LDLRAD3: variants seen among roughly 807,000 people sequenced by gnomAD.
LDLRAD3 encodes low-density lipoprotein receptor class A domain-containing protein 3.
LDLRAD3 carries 20 observed loss-of-function variants against 29.4 expected under a neutral mutation model. The ratio of observed to expected loss-of-function variants is 0.68; its 90% confidence interval spans 0.48 to 0.99. The LOEUF (loss-of-function observed/expected upper bound fraction) is 0.99, where lower values mean the gene tolerates loss of function less well. Among genes scored for constraint, LDLRAD3 ranks in the 50% least tolerant of loss-of-function variants. The pLI is 0.00. For missense variants in LDLRAD3, 420 were observed against 454.3 expected, an observed-to-expected ratio of 0.92 and a Z score of 0.69; for synonymous variants, 157 against 192.7, an observed-to-expected ratio of 0.81 and a Z score of 1.53.
chr11:36,171,739 T>A (rs1460003756), intron 4 of LDLRAD3, among the ~76,000 whole-genome samples: 1 of 152,224 alleles, frequency 6.6e-6, no homozygotes, highest in African/African-American at 2.4e-5. Flanking sequence ...ATAGTATAAT[T>A]TGAAGTTGGA....
intron 4 of LDLRAD3, among the ~76,000 whole-genome samples, chr11:36,159,276 G>A (rs988268170): frequency 7.9e-5 from 12 of 152,114 alleles, no homozygotes; most frequent in African/African-American, 2.9e-4. Context: ...AGACCAGCCT[G>A]GGCAACATAG....
Position 36,113,273 on chromosome 11 carries a change from G to A in LDLRAD3, c.454+14812G>A, listed in dbSNP as rs1853630628. Among the ~76,000 whole-genome samples the A allele has an allele frequency of 2.6e-5, 4 of 152,130 alleles. No individual in the cohort carries two copies. In the South Asian group the frequency reaches 8.3e-4, roughly 32 times the overall value. On this transcript the variant is annotated intron_variant, in intron 4 of 5. Coordinates refer to ENST00000315571, the MANE Select transcript of LDLRAD3 (RefSeq NM_174902.4). ...TGAGATGCAGGTTATGGCTTAATAA[G>A]TGCCTTCGATGAGAAAAAGATCTCT...
At chr11:36,098,981 G>A (rs1309996800) in intron 4 of LDLRAD3, among the ~76,000 whole-genome samples, 1 of 144,692 alleles carries the variant, frequency 6.9e-6, no homozygotes, top group African/African-American at 2.5e-5. Context: ...CATCACAACT[G>A]CTGCCCTATT....
At chr11:36,183,423 C>T (rs568877178) in intron 4 of LDLRAD3, among the ~76,000 whole-genome samples, 183 of 152,274 alleles carry the variant, frequency 1.2e-3, no homozygotes, top group African/African-American at 4.1e-3. Flanking sequence ...TAAAGTAAAA[C>T]ATGTTGACCA....
At chr11:36,036,582 A>G (rs947398704) in intron 2 of LDLRAD3, among the ~76,000 whole-genome samples, 3 of 152,062 alleles carry the variant, frequency 2.0e-5, no homozygotes, top group African/African-American at 7.2e-5. Flanking sequence ...TGGCTGCAGC[A>G]TCTTAAAACC....
intron 4 of LDLRAD3, among the ~76,000 whole-genome samples, chr11:36,103,282 G>T (rs977419563): frequency 8.2e-5 from 12 of 147,212 alleles, no homozygotes; most frequent in Non-Finnish European, 1.8e-4. Context: ...TGTCACCCAG[G>T]CTGGAGTGCA....
intron 4 of LDLRAD3, among the ~76,000 whole-genome samples, chr11:36,133,379 T>G (rs77678762): frequency 4.5e-5 from 2 of 44,072 alleles, no homozygotes; most frequent in African/African-American, 1.3e-4. Flanking sequence ...TTTTCTTTTC[T>G]TTTCTTTTCT....
At chr11:36,092,161 G>A (rs1002851365) in intron 3 of LDLRAD3, among the ~76,000 whole-genome samples, 2 of 152,296 alleles carry the variant, frequency 1.3e-5, no homozygotes, top group Non-Finnish European at 2.9e-5. Context: ...TTTGGTAGTA[G>A]CACAGGGTCA....
chr11:36,124,068 G>A (rs1853800425), intron 4 of LDLRAD3, among the ~76,000 whole-genome samples: 1 of 152,364 alleles, frequency 6.6e-6, no homozygotes, highest in East Asian at 1.9e-4. Context: ...TAAAGGTTAT[G>A]CATTTGCCTG....
chr11:36,156,858 G>C (rs1330879350), intron 4 of LDLRAD3, among the ~76,000 whole-genome samples: 1 of 152,132 alleles, frequency 6.6e-6, no homozygotes, highest in East Asian at 1.9e-4. Context: ...CAAAAAAAAA[G>C]GAAAATCTGA....
At chr11:36,008,891 C>A (rs547098372) in intron 1 of LDLRAD3, among the ~76,000 whole-genome samples, 1 of 152,330 alleles carries the variant, frequency 6.6e-6, no homozygotes, top group African/African-American at 2.4e-5. Flanking sequence ...GTTTTTACAG[C>A]AGCATTACAA....
intron 4 of LDLRAD3, among the ~76,000 whole-genome samples, chr11:36,118,499 G>T (rs1054692274): frequency 3.6e-5 from 4 of 109,794 alleles, no homozygotes; most frequent in Admixed American, 2.3e-4. Flanking sequence ...AAGAGTGAGT[G>T]TGTGTGTGTG....
At chr11:36,155,713 G>A (rs1253034655) in intron 4 of LDLRAD3, among the ~76,000 whole-genome samples, 2 of 152,168 alleles carry the variant, frequency 1.3e-5, no homozygotes, top group Non-Finnish European at 2.9e-5. Context: ...ATCACTTTAG[G>A]ATACAGCAGG....
intron 2 of LDLRAD3, among the ~76,000 whole-genome samples, chr11:36,051,356 G>A (rs765788196): frequency 1.7e-4 from 26 of 152,178 alleles, no homozygotes; most frequent in Non-Finnish European, 3.5e-4. Flanking sequence ...TGGCGCCAAA[G>A]TGGGATGAGT....
chr11:36,031,064 G>C (rs1333731359), intron 1 of LDLRAD3, among the ~76,000 whole-genome samples: 1 of 151,594 alleles, frequency 6.6e-6, no homozygotes, highest in African/African-American at 2.4e-5. Context: ...TTGTCCAATA[G>C]AATGGGACTT....
chr11:36,219,641 A>G (rs1488165980), intron 4 of LDLRAD3, among the ~76,000 whole-genome samples: 1 of 152,252 alleles, frequency 6.6e-6, no homozygotes, highest in Non-Finnish European at 1.5e-5. Context: ...TTGCACCATA[A>G]ACAAAAATTA....
At chr11:36,184,776 C>A (rs112082066) in intron 4 of LDLRAD3, among the ~76,000 whole-genome samples, 5 of 152,318 alleles carry the variant, frequency 3.3e-5, no homozygotes, top group African/African-American at 1.2e-4. Context: ...GTCCTCTGAT[C>A]TGGAGAAGGT....
chr11:36,093,853 G>A, intron 3 of LDLRAD3, among the ~76,000 whole-genome samples: 1 of 152,168 alleles, frequency 6.6e-6, no homozygotes, highest in East Asian at 1.9e-4. Context: ...TGGGTCCAGG[G>A]CTTTTTATGG....
chr11:36,223,351 G>A (rs529781646), intron 4 of LDLRAD3, among the ~76,000 whole-genome samples: 17 of 152,280 alleles, frequency 1.1e-4, no homozygotes, highest in Admixed American at 1.1e-3. Context: ...AAAACCTCAC[G>A]TGTTTACACA....
Sources: allele counts gnomAD v4.1 joint callset (sites outside exome capture counted in the v4.1 genomes callset), GRCh38; gene constraint gnomAD v4.1.1; transcripts MANE v1.5; gene names NCBI Gene and HGNC (gene_info 2026-07-23, HGNC 2026-07-21).